Variants in RAB4A observed in about 807,000 individuals in gnomAD.
RAB4A encodes ras-related protein Rab-4A.
Under a neutral mutation model 34.5 loss-of-function variants are expected in RAB4A, and 20 were observed. The ratio of observed to expected loss-of-function variants is 0.58; its 90% CI spans 0.41 to 0.84. RAB4A has a LOEUF of 0.84. Ranked by LOEUF, RAB4A falls within the 40% of genes least tolerant of loss-of-function variation. The pLI is 0.00. For missense variants in RAB4A, 228 were observed against 274.5 expected, an observed-to-expected ratio of 0.83 and a Z score of 1.20; for synonymous variants, 102 against 100.0, an observed-to-expected ratio of 1.02 and a Z score of -0.12.
At position 229,296,510 on chromosome 1, in the gene RAB4A, G is replaced by T. The variant is rs112381869; in HGVS notation, c.290+600G>T. 7.2e-3 allele frequency among the ~76,000 whole-genome samples: 1,100 copies of T among 152,292 alleles called. 17 individuals are homozygous for T. The highest frequency in any genetic ancestry group is 0.025 in the African/African-American group (1,052 of 41,548). ...AAAATTCTGTTCCTCGATTGCACTG[G>T]CCACATTTCAGGTCCTCAGTAGCTA... On this transcript the variant is annotated intron_variant, in intron 4 of 7. Transcript: ENST00000366690.
At chr1:229,288,530 T>C (rs1656983075) in intron 2 of RAB4A, among the ~76,000 whole-genome samples, 199 bp from the exon 3 acceptor site, 1 of 152,224 alleles carries the variant, frequency 6.6e-6, no homozygotes, top group South Asian at 2.1e-4. Flanking sequence ...AAAATCTTTA[T>C]GTCTCTTTGA....
chr1:229,297,438 T>C, intron 4 of RAB4A, 44 bp from the exon 5 acceptor site: 1 of 1,541,888 alleles, frequency 6.5e-7, no homozygotes, highest in Non-Finnish European at 8.7e-7. Flanking sequence ...AGTTGCTAGT[T>C]TTATAAAATA....
At chr1:229,300,849 A>G (rs1274784086) in intron 6 of RAB4A, among the ~76,000 whole-genome samples, 1 of 152,188 alleles carries the variant, frequency 6.6e-6, no homozygotes, top group Non-Finnish European at 1.5e-5. Flanking sequence ...GCAGTGATCA[A>G]CAGAACCCTG....
At chr1:229,277,945 A>G (rs959238246) in intron 1 of RAB4A, among the ~76,000 whole-genome samples, 1 of 150,994 alleles carries the variant, frequency 6.6e-6, no homozygotes, top group African/African-American at 2.5e-5. Flanking sequence ...GCTCACTGCA[A>G]CCTCCACCTC....
At chr1:229,302,305 ATATATTTTTT>A (rs1394177197) in intron 6 of RAB4A, among the ~76,000 whole-genome samples, 41 of 37,810 alleles carry the variant, frequency 1.1e-3, no homozygotes, top group Non-Finnish European at 1.9e-3. Context: ...ATATATATAT[ATATATTTTTT>A]TTTTTTTTTT....
rs1371394892 is a variant in RAB4A at position 229,302,286 on chromosome 1, TATATATATATATATATATATA to T, written c.542-575_542-555del. On this transcript the variant is annotated intron_variant, in intron 6 of 7. Transcript: ENST00000366690. ...ATATATATATATATATATATATATA[TATATATATATATATATATATA>T]TATTTTTTTTTTTTTTTTACATGTG... is the stretch of plus-strand genomic sequence containing the variant. Among the ~76,000 whole-genome samples the T allele has an allele frequency of 1.7e-3, 38 of 22,536 alleles. 2 individuals carry two copies. Among genetic ancestry groups the T allele is most frequent in the African/African-American group, 6.1e-3 (31 of 5,072 alleles). The allele number at this position is 22,536 out of a possible 152,430, so 14.8% of individuals were successfully genotyped here.
rs1656536622 is a variant in RAB4A, at chr1:229,272,978, CCA to C, written c.31+1611_31+1612del. Among the ~76,000 whole-genome samples the C allele has an allele frequency of 7.9e-5, 12 of 152,328 alleles. No individual in the cohort carries two copies. In the South Asian group the frequency reaches 2.3e-3, roughly 29 times the overall value. On this transcript the variant is annotated intron_variant, in intron 1 of 7. Transcript: ENST00000366690. ...GTGGTCTGGTTCTTCCTGTAGAGAA[CCA>C]CAGTCAGAAATGTTGTAAGGAAAAC...
Position 229,284,930 on chromosome 1 carries a change from C to T in RAB4A, c.32-1556C>T, listed in dbSNP as rs376385403. On this transcript the variant is annotated intron_variant, in intron 1 of 7. Transcript: ENST00000366690. The stretch of plus-strand genomic sequence containing the variant: ...GTTCTGTCCTCAGCTCTCAGTACTG[C>T]CTACTGGTAATCTCCAGGTTTTATT... Among the ~76,000 whole-genome samples the T allele has an allele frequency of 9.2e-5, 14 of 152,246 alleles. No homozygotes were observed. The East Asian group carries it at 1.5e-3, about 17-fold the overall frequency.
At chr1:229,300,756 A>G (rs1340929141) in intron 6 of RAB4A, among the ~76,000 whole-genome samples, 1 of 152,142 alleles carries the variant, frequency 6.6e-6, no homozygotes, top group Admixed American at 6.6e-5. Context: ...GGCTGGCAGT[A>G]TAAGTTTGGG....
chr1:229,271,225 G>A lies in RAB4A; in HGVS notation c.-115G>A. ...AGACCGGCGGTTGCCGTGGGGACCG[G>A]TCGGGCCCCTCCCTCCTCCGGTCCC... On this transcript the variant is annotated 5_prime_UTR_variant, in exon 1 of 8. Coordinates refer to ENST00000366690, the MANE Select transcript of RAB4A (RefSeq NM_004578.4). 4 of 1,098,500 alleles carry A rather than the reference G, an allele frequency of 3.6e-6. No individual in the cohort carries two copies. The highest frequency in any genetic ancestry group is 3.5e-6 in the Non-Finnish European group (3 of 863,240). The allele number at this position is 1,098,500 out of a possible 1,614,324, so 68.0% of individuals were successfully genotyped here.
At chr1:229,278,314 G>A (rs949657665) in intron 1 of RAB4A, among the ~76,000 whole-genome samples, 4 of 152,188 alleles carry the variant, frequency 2.6e-5, no homozygotes, top group African/African-American at 9.7e-5. Flanking sequence ...CTGCTGTGCA[G>A]ACAGAGCTCC....
chr1:229,302,307 ATATTTTTTTT>A (rs1268023290), intron 6 of RAB4A, among the ~76,000 whole-genome samples: 1 of 35,004 alleles, frequency 2.9e-5, no homozygotes, highest in Non-Finnish European at 5.8e-5. Context: ...ATATATATAT[ATATTTTTTTT>A]TTTTTTTTAC....
chr1:229,280,736 T>A (rs1656758793), intron 1 of RAB4A, among the ~76,000 whole-genome samples: 1 of 152,222 alleles, frequency 6.6e-6, no homozygotes, highest in Non-Finnish European at 1.5e-5. Context: ...GACACTTCCG[T>A]CACCACAAGA....
At chr1:229,287,692 A>G (rs891675402) in intron 2 of RAB4A, among the ~76,000 whole-genome samples, 27 of 151,798 alleles carry the variant, frequency 1.8e-4, no homozygotes, top group African/African-American at 6.5e-4. Flanking sequence ...CTTACCCTGC[A>G]TTTTTCCTGG....
At chr1:229,296,905 G>A (rs1441428655) in intron 4 of RAB4A, among the ~76,000 whole-genome samples, 1 of 152,240 alleles carries the variant, frequency 6.6e-6, no homozygotes, top group African/African-American at 2.4e-5. Context: ...GCCAAAAATA[G>A]TAAGTCTGAG....
At chr1:229,280,580 AT>A (rs1214346440) in intron 1 of RAB4A, among the ~76,000 whole-genome samples, 4 of 151,948 alleles carry the variant, frequency 2.6e-5, no homozygotes, top group African/African-American at 9.7e-5. Context: ...TAAGCTTTCT[AT>A]TTTGAGATCA....
intron 3 of RAB4A, among the ~76,000 whole-genome samples, chr1:229,291,238 A>T (rs237767): frequency 0.65 from 98,743 of 152,094 alleles, 32,282 homozygotes; most frequent in African/African-American, 0.71. Context: ...TGTGCAAGAA[A>T]GAGGAGGAAG....
chr1:229,278,931 A>G (rs1476074795), intron 1 of RAB4A, among the ~76,000 whole-genome samples: 1 of 152,164 alleles, frequency 6.6e-6, no homozygotes, highest in African/African-American at 2.4e-5. Context: ...TTCGGCCCTT[A>G]TAAGAACTGC....
chr1:229,282,051 A>G (rs1469978954), intron 1 of RAB4A, among the ~76,000 whole-genome samples: 1 of 152,046 alleles, frequency 6.6e-6, no homozygotes, highest in African/African-American at 2.4e-5. Flanking sequence ...AGATGTTCCA[A>G]GATTCCTTCC....
Sources: allele counts gnomAD v4.1 joint callset (sites outside exome capture counted in the v4.1 genomes callset), GRCh38; gene constraint gnomAD v4.1.1; transcripts MANE v1.5; gene names NCBI Gene and HGNC (gene_info 2026-07-23, HGNC 2026-07-21).